Variants in ADARB2 observed in about 807,000 individuals in gnomAD.
ADARB2 encodes the protein adenosine deaminase RNA specific B2 (inactive), also known as inactive double-stranded RNA-specific editase B2.
Under a neutral mutation model 62.2 loss-of-function variants are expected in ADARB2, and 25 were observed. The ratio of observed to expected loss-of-function variants is 0.40; its 90% CI spans 0.29 to 0.56. The LOEUF (loss-of-function observed/expected upper bound fraction) is 0.56, where lower values mean the gene tolerates loss of function less well. ADARB2 is among the 20% of genes least tolerant of loss of function. ADARB2 has a pLI of 0.43. For synonymous variants in ADARB2, 572 were observed against 500.8 expected (o/e 1.14, Z -1.90); for missense variants, 1,071 against 1,077.4 (o/e 0.99, Z 0.08).
chr10:1,646,115 G>C (rs929931127), intron 1 of ADARB2, among the ~76,000 whole-genome samples: 1 of 152,182 alleles, frequency 6.6e-6, no homozygotes, highest in Non-Finnish European at 1.5e-5. Context: ...ACTCTACAAG[G>C]TGCACACAGG....
intron 3 of ADARB2, among the ~76,000 whole-genome samples, chr10:1,355,439 G>A (rs955022268): frequency 4.6e-5 from 7 of 152,170 alleles, no homozygotes; most frequent in Non-Finnish European, 1.0e-4. Flanking sequence ...GAAACTCAAC[G>A]TCCTTCTCTG....
chr10:1,625,583 T>C (rs1178793820), intron 1 of ADARB2, among the ~76,000 whole-genome samples: 1 of 152,074 alleles, frequency 6.6e-6, no homozygotes, highest in East Asian at 1.9e-4. Context: ...AGAACAGCTT[T>C]CTCGGGAGTC....
intron 1 of ADARB2, among the ~76,000 whole-genome samples, chr10:1,725,471 C>T (rs1210734399): frequency 1.3e-5 from 2 of 152,236 alleles, no homozygotes; most frequent in African/African-American, 4.8e-5. Context: ...GTGAGTCCTG[C>T]AGCCCAGAGG....
chr10:1,378,363 C>T (rs552634942), intron 2 of ADARB2, among the ~76,000 whole-genome samples: 13 of 152,244 alleles, frequency 8.5e-5, no homozygotes, highest in African/African-American at 1.4e-4. Flanking sequence ...GTACAAACCG[C>T]GCTCTAAGAC....
chr10:1,182,951 G>A lies in ADARB2; in HGVS notation c.*242C>T, dbSNP rs1339961301. On this transcript the variant is annotated 3_prime_UTR_variant, in exon 10 of 10. Coordinates refer to ENST00000381312, the MANE Select transcript of ADARB2 (RefSeq NM_018702.4). ...TCCCTCAGACTCCACAGGAAGAGTC[G>A]GCGCTAACTCAACAGTGCATGTGCC... is the stretch of plus-strand genomic sequence containing the variant. 2.0e-5 allele frequency: 10 copies of A among 491,870 alleles called. No individual in the cohort carries two copies. Among genetic ancestry groups the A allele is most frequent in the South Asian group, 5.4e-5 (2 of 36,834 alleles). The allele number at this position is 491,870 out of a possible 1,614,324, so 30.5% of individuals were successfully genotyped here. A position where few individuals can be genotyped will look rare whatever the true frequency, so the allele number is the denominator to read the frequency against.
intron 1 of ADARB2, among the ~76,000 whole-genome samples, chr10:1,575,304 A>C: frequency 6.6e-6 from 1 of 151,762 alleles, no homozygotes; most frequent in East Asian, 1.9e-4. Flanking sequence ...ATAAATTAAA[A>C]GCCAGTCTGC....
At chr10:1,242,871 A>AAG (rs1830940903) in intron 4 of ADARB2, among the ~76,000 whole-genome samples, 1 of 152,116 alleles carries the variant, frequency 6.6e-6, no homozygotes, top group Admixed American at 6.5e-5. Context: ...CAAAAATGAT[A>AAG]CTCTCTTCAG....
intron 1 of ADARB2, among the ~76,000 whole-genome samples, chr10:1,449,336 G>A (rs935637970): frequency 1.5e-4 from 23 of 152,182 alleles, no homozygotes; most frequent in Middle Eastern, 3.4e-3. Context: ...TCACTTCCCC[G>A]TGACCCATCC....
At chr10:1,204,742 T>TGCCCCTGCCTGGCC (rs1837029355) in intron 7 of ADARB2, among the ~76,000 whole-genome samples, 1 of 152,240 alleles carries the variant, frequency 6.6e-6, no homozygotes, top group Non-Finnish European at 1.5e-5. Flanking sequence ...CCTGCCGGGC[T>TGCCCCTGCCTGGCC]GCCCCTGCCT....
intron 1 of ADARB2, among the ~76,000 whole-genome samples, chr10:1,641,182 C>T (rs568295299): frequency 3.8e-4 from 58 of 152,116 alleles, no homozygotes; most frequent in Non-Finnish European, 5.7e-4. Flanking sequence ...ATTTAGCACC[C>T]GATATAAAAT....
intron 1 of ADARB2, among the ~76,000 whole-genome samples, chr10:1,567,146 T>G (rs1235540479): frequency 3.3e-5 from 5 of 150,858 alleles, no homozygotes; most frequent in Admixed American, 6.6e-5. Flanking sequence ...TGACTGGGGG[T>G]CCCTGTGATG....
At chr10:1,539,619 G>C (rs1213473511) in intron 1 of ADARB2, among the ~76,000 whole-genome samples, 1 of 152,246 alleles carries the variant, frequency 6.6e-6, no homozygotes, top group African/African-American at 2.4e-5. Context: ...GCCCAGGAGA[G>C]CTAGTTATTG....
chr10:1,432,852 A>C (rs1830791095), intron 1 of ADARB2, among the ~76,000 whole-genome samples: 1 of 152,102 alleles, frequency 6.6e-6, no homozygotes, highest in Admixed American at 6.5e-5. Context: ...GGCATCCCCC[A>C]AGGGCAAGGG....
chr10:1,357,482 T>A (rs111624555), intron 3 of ADARB2, among the ~76,000 whole-genome samples: 1 of 62,978 alleles, frequency 1.6e-5, no homozygotes, highest in African/African-American at 4.3e-5. Context: ...GGATGCATGG[T>A]TTTTTTAGCA....
At chr10:1,328,738 C>T (rs1589194154) in intron 3 of ADARB2, among the ~76,000 whole-genome samples, 1 of 152,094 alleles carries the variant, frequency 6.6e-6, no homozygotes, top group South Asian at 2.1e-4. Context: ...TATCTGTAAC[C>T]CCAGCACTTT....
intron 1 of ADARB2, among the ~76,000 whole-genome samples, chr10:1,497,317 C>T (rs1831706015): frequency 6.6e-6 from 1 of 152,080 alleles, no homozygotes; most frequent in African/African-American, 2.4e-5. Context: ...CAATTCGTGC[C>T]CCAAACCACT....
At chr10:1,518,733 T>A (rs1207223956) in intron 1 of ADARB2, among the ~76,000 whole-genome samples, 1 of 152,042 alleles carries the variant, frequency 6.6e-6, no homozygotes, top group Non-Finnish European at 1.5e-5. Flanking sequence ...CTGCATGTGA[T>A]ATTGTCATAC....
chr10:1,648,893 T>A (rs1197698360), intron 1 of ADARB2, among the ~76,000 whole-genome samples: 1 of 152,200 alleles, frequency 6.6e-6, no homozygotes, highest in Non-Finnish European at 1.5e-5. Context: ...CAAGGGCAAC[T>A]GACGCTGACA....
chr10:1,380,525 C>T (rs558177008), intron 1 of ADARB2, among the ~76,000 whole-genome samples: 9 of 152,236 alleles, frequency 5.9e-5, no homozygotes, highest in Non-Finnish European at 1.3e-4. Flanking sequence ...CCTTGGCCTT[C>T]AGGCGTCCAG....
Sources: gnomAD v4.1 joint callset for allele counts (sites outside exome capture counted in the v4.1 genomes callset) on GRCh38, gnomAD v4.1.1 for gene constraint, MANE v1.5 for transcripts, NCBI Gene and HGNC (gene_info 2026-07-23, HGNC 2026-07-21) for gene names.